Variants in ZNF615 observed in about 807,000 individuals in gnomAD.
The protein encoded by ZNF615 is zinc finger protein 615.
ZNF615 carries 15 observed loss-of-function variants against 15.3 expected under a neutral mutation model. That is an observed-to-expected ratio of 0.98 (90% CI 0.66 to 1.51). ZNF615 has a LOEUF of 1.51. Ranked by LOEUF, ZNF615 falls within the 40% of genes most tolerant of loss-of-function variation. ZNF615 has a pLI of 0.00. For missense variants in ZNF615, 848 were observed against 895.9 expected, an observed-to-expected ratio of 0.95 and a Z score of 0.68; for synonymous variants, 268 against 294.6, an observed-to-expected ratio of 0.91 and a Z score of 0.92.
rs547050770 is a variant in ZNF615 at position 51,992,391 on chromosome 19, T to C, written c.*489A>G. On this transcript the variant is annotated 3_prime_UTR_variant, in exon 7 of 7. Coordinates refer to ENST00000598071, the MANE Select transcript of ZNF615 (RefSeq NM_001199324.2). ...GGCTTCTTTCCTTCATTAAATTCTC[T>C]GATATTTTCCTAAAAGTCTTCTACA... The C allele has an allele frequency of 6.5e-5, 10 of 153,032 alleles. No homozygotes were observed. The highest frequency in any genetic ancestry group is 2.4e-4 in the African/African-American group (10 of 41,328). 9.5% of individuals were successfully genotyped at this position (153,032 alleles called of 1,614,324 possible).
At chr19:52,000,483 C>T (rs2086560490) in intron 5 of ZNF615, 105 bp from the exon 6 acceptor site, 1 of 480,650 alleles carries the variant, frequency 2.1e-6, no homozygotes, top group Admixed American at 3.6e-5. Context: ...GTTCCTCATA[C>T]ACAAAATGGG....
intron 2 of ZNF615, among the ~76,000 whole-genome samples, chr19:52,005,561 T>C (rs968328001): frequency 6.6e-6 from 1 of 152,234 alleles, no homozygotes; most frequent in Admixed American, 6.5e-5. Flanking sequence ...CAAAACTTTA[T>C]TAACAGAAAC....
At chr19:52,000,961 G>A (rs542072674) in intron 5 of ZNF615, among the ~76,000 whole-genome samples, 2 of 152,046 alleles carry the variant, frequency 1.3e-5, no homozygotes, top group East Asian at 3.9e-4. Flanking sequence ...TCAGGATTCA[G>A]TATAAGAGGA....
chr19:52,000,417 A>G, intron 5 of ZNF615, 39 bp from the exon 6 acceptor site: 2 of 614,158 alleles, frequency 3.3e-6, no homozygotes, highest in Non-Finnish European at 5.9e-6. Flanking sequence ...AAATTAAAAA[A>G]ATAAAATTAT....
Position 51,996,398 on chromosome 19 carries a change from A to C in ZNF615, c.272-1561T>G, listed in dbSNP as rs539865883. Among the ~76,000 whole-genome samples the C allele has an allele frequency of 2.6e-3, 387 of 150,156 alleles. 7 individuals are homozygous for C. Among genetic ancestry groups the C allele is most frequent in the African/African-American group, 6.9e-3 (283 of 40,864 alleles). On this transcript the variant is annotated intron_variant, in intron 6 of 6. Coordinates refer to ENST00000598071, the MANE Select transcript of ZNF615 (RefSeq NM_001199324.2). ...AAGACTCTGTCTCAAAAAAAAAAAA[A>C]AAAAAAAAAACGCAAAACTATATGG...
At chr19:52,007,986 C>T in intron 1 of ZNF615, 155 bp downstream of exon 1, 1 of 668,338 alleles carries the variant, frequency 1.5e-6, no homozygotes, top group Non-Finnish European at 2.6e-6. Flanking sequence ...CGATAGGAAT[C>T]GGACCCACGC....
At position 51,996,897 on chromosome 19, in the gene ZNF615, CA is replaced by C. The variant is rs370305573; in HGVS notation, c.272-2061del. Among the ~76,000 whole-genome samples, 12 of 152,076 alleles carry C rather than the reference CA, an allele frequency of 7.9e-5. No homozygotes were observed. In the East Asian group the frequency reaches 1.9e-3, roughly 24 times the overall value. ...CTAAAATAGATTTTAAGTGTTCTCA[CA>C]AAAAAAGTAAGTACGTGAGGTAGTA... On this transcript the variant is annotated intron_variant, in intron 6 of 6. Transcript: ENST00000598071.
At chr19:52,001,962 T>C (rs1222618072) in intron 4 of ZNF615, 54 bp from the exon 5 acceptor site, 3 of 1,605,648 alleles carry the variant, frequency 1.9e-6, no homozygotes, top group Non-Finnish European at 2.6e-6. Flanking sequence ...GCTGGCAATA[T>C]TGAAAAAGGA....
rs2086808936 is a variant in ZNF615, at chr19:52,008,175, C to G, written c.-262G>C. 6.5e-7 allele frequency: 1 copy of G among 1,535,552 alleles called. No individual in the cohort carries two copies. Among genetic ancestry groups the G allele is most frequent in the African/African-American group, 1.4e-5 (1 of 73,174 alleles). On this transcript the variant is annotated 5_prime_UTR_variant, in exon 1 of 7. Coordinates refer to ENST00000598071, the MANE Select transcript of ZNF615 (RefSeq NM_001199324.2). ...CTTGGTGGGCTCCGGCCTCATCTCT[C>G]GGCCTCCTCAGTGCCTGACGGCGAC...
At position 51,994,236 on chromosome 19, in the gene ZNF615, T is replaced by C. The variant is rs926772311; in HGVS notation, c.873A>G (p.Lys291=). Residue 291 remains lysine, a synonymous_variant, in exon 7 of 7, where the codon AAA becomes AAG. Coordinates refer to ENST00000598071, the MANE Select transcript of ZNF615 (RefSeq NM_001199324.2). ...TGTAAGGTTTCCCTCCCATATGAGT[T>C]TTCTGATGTATATTGAGCTGTGATT... The part of the protein sequence containing the change: ...LKKSQLNIHQ[K]THMGGKPYTC... 1 of 1,614,144 alleles carries C rather than the reference T, an allele frequency of 6.2e-7. No individual in the cohort carries two copies.
chr19:51,998,104 T>C (rs1429533535), intron 6 of ZNF615, among the ~76,000 whole-genome samples: 2 of 152,246 alleles, frequency 1.3e-5, no homozygotes, highest in African/African-American at 4.8e-5. Context: ...AAATTAGTTA[T>C]ATCATGTCAC....
At chr19:51,996,944 T>G (rs895083358) in intron 6 of ZNF615, among the ~76,000 whole-genome samples, 1 of 152,224 alleles carries the variant, frequency 6.6e-6, no homozygotes, top group African/African-American at 2.4e-5. Context: ...TTTGTTCAAT[T>G]TAGCCATTCC....
At chr19:51,996,404 A>C (rs1458545089) in intron 6 of ZNF615, among the ~76,000 whole-genome samples, 1 of 150,698 alleles carries the variant, frequency 6.6e-6, no homozygotes, top group Non-Finnish European at 1.5e-5. Context: ...AAAAAAAAAA[A>C]AAAACGCAAA....
At chr19:51,995,658 C>A (rs2086399297) in intron 6 of ZNF615, among the ~76,000 whole-genome samples, 1 of 151,650 alleles carries the variant, frequency 6.6e-6, no homozygotes, top group African/African-American at 2.4e-5. Context: ...ATAACCTCTC[C>A]CTCCCAGGCT....
Position 51,994,075 on chromosome 19 carries a change from T to C in ZNF615, c.1034A>G (p.His345Arg). 1 of 1,614,172 alleles carries C rather than the reference T, an allele frequency of 6.2e-7. No homozygotes were observed. Among genetic ancestry groups the C allele is most frequent in the Non-Finnish European group, 8.5e-7 (1 of 1,180,032 alleles). ...AFSTKFSLTT[H>R]QKTHTGEKPY... The stretch of plus-strand genomic sequence containing the variant: ...TTTTTCTCCTGTATGAGTTTTCTGA[T>C]GTGTAGTGAGACTGAACTTTGTAGA... Residue 345 changes from histidine (H) to arginine (R), a missense_variant, in exon 7 of 7, where the codon CAT (histidine) becomes CGT (arginine). His to Arg is a conservative substitution (Grantham distance 29, BLOSUM62 0). Transcript: ENST00000598071.
rs1321688162 is a variant in ZNF615, at chr19:51,993,349, C to G, written c.1760G>C (p.Gly587Ala). The change falls in exon 7 of 7, where the codon GGC (glycine) becomes GCC (alanine). Residue 587 changes from glycine to alanine, a missense_variant. Coordinates refer to ENST00000598071, the MANE Select transcript of ZNF615 (RefSeq NM_001199324.2). The part of the protein sequence containing the change: ...KPYVCSECGK[G>A]LTGKSMLIAH... ...AATGAGCATGCTTTTCCCAGTTAAGCCTTTGCCACATTCACTGCATACATA... is the reference window on the plus strand; with the variant it reads ...AATGAGCATGCTTTTCCCAGTTAAGGCTTTGCCACATTCACTGCATACATA... The G allele has an allele frequency of 6.2e-7, 1 of 1,613,812 alleles. No homozygotes were observed. The highest frequency in any genetic ancestry group is 8.5e-7 in the Non-Finnish European group (1 of 1,179,994).
rs749374547 is a variant in ZNF615 at position 51,994,020 on chromosome 19, G to A, written c.1089C>T (p.Gly363=). 1.9e-6 allele frequency: 3 copies of A among 1,612,390 alleles called. No homozygotes were observed. The highest frequency in any genetic ancestry group is 1.7e-6 in the Non-Finnish European group (2 of 1,179,160). ...KPYICSECGK[G]FIEKRRLTAH... ...CAGTAAGACGCCTCTTCTCAATGAAGCCTTTTCCACATTCACTACATATAT... is the reference window on the plus strand; with the variant it reads ...CAGTAAGACGCCTCTTCTCAATGAAACCTTTTCCACATTCACTACATATAT... Residue 363 remains glycine, a synonymous_variant, in exon 7 of 7, where the codon GGC becomes GGT. Transcript: ENST00000598071.
At chr19:52,002,387 G>C in intron 3 of ZNF615, 106 bp from the exon 4 acceptor site, 5 of 1,508,576 alleles carry the variant, frequency 3.3e-6, no homozygotes, top group Non-Finnish European at 4.5e-6. Flanking sequence ...AAGCTGGTGG[G>C]GTTTTTTTCT....
chr19:52,007,378 G>C, intron 1 of ZNF615, 48 bp from the exon 2 acceptor site: 1 of 1,149,214 alleles, frequency 8.7e-7, no homozygotes, highest in South Asian at 1.3e-5. Flanking sequence ...GCAGGACAAA[G>C]GGTAGAAGCC....
Sources: gnomAD v4.1 joint callset for allele counts (sites outside exome capture counted in the v4.1 genomes callset) on GRCh38, gnomAD v4.1.1 for gene constraint, MANE v1.5 for transcripts, NCBI Gene and HGNC (gene_info 2026-07-23, HGNC 2026-07-21) for gene names.